Variants in DLGAP1 observed in about 807,000 individuals in gnomAD.
DLGAP1 encodes the protein DLG associated protein 1, also known as disks large-associated protein 1.
Under a neutral mutation model 90.8 loss-of-function variants are expected in DLGAP1, and 11 were observed. The ratio of observed to expected loss-of-function variants is 0.12; its 90% CI spans 0.08 to 0.20. DLGAP1 has a LOEUF of 0.20. Ranked by LOEUF, DLGAP1 falls within the 10% of genes least tolerant of loss-of-function variation. The probability of loss-of-function intolerance (pLI) is 1.00; values close to 1 mark genes in which losing one functional copy is unlikely to be tolerated. For synonymous variants in DLGAP1, 558 were observed against 540.7 expected, an observed-to-expected ratio of 1.03 and a Z score of -0.44; for missense variants, 1,050 against 1,333.8, an observed-to-expected ratio of 0.79 and a Z score of 3.31.
chr18:3,993,167 C>A (rs1012879403), intron 3 of DLGAP1: 1 of 151,222 alleles, frequency 6.6e-6, no homozygotes, highest in Non-Finnish European at 1.5e-5. Context: ...CAAGCAGGAA[C>A]CCCCCTCTTG....
chr18:4,407,825 G>A (rs2082694466), intron 1 of DLGAP1, among the ~76,000 whole-genome samples: 1 of 152,118 alleles, frequency 6.6e-6, no homozygotes, highest in Non-Finnish European at 1.5e-5. Context: ...GGAGGTTGCA[G>A]TGAGCCGAGA....
intron 1 of DLGAP1, among the ~76,000 whole-genome samples, chr18:4,190,456 T>C (rs922757070): frequency 3.9e-5 from 6 of 152,126 alleles, no homozygotes; most frequent in African/African-American, 1.4e-4. Flanking sequence ...GGTAGATGCA[T>C]GACATTATAC....
intron 2 of DLGAP1, among the ~76,000 whole-genome samples, chr18:4,105,760 G>GTGGCTCACGCCTGTAATCCCAGCACTT (rs1266998857): frequency 2.0e-5 from 3 of 152,166 alleles, no homozygotes; most frequent in African/African-American, 7.2e-5. Flanking sequence ...GCCGGGCGCG[G>GTGGCTCACGCCTGTAATCCCAGCACTT]TGGCTCACGC....
intron 1 of DLGAP1, among the ~76,000 whole-genome samples, chr18:4,165,812 A>G (rs2076923815): frequency 2.0e-5 from 3 of 152,202 alleles, no homozygotes; most frequent in African/African-American, 7.2e-5. Context: ...ACCATTATAG[A>G]GAAAATATTT....
rs768759911 is a variant in DLGAP1 at position 4,355,657 on chromosome 18, ATTTCCTGGTTGTGATATTG to A, written c.-267+99330_-267+99348del. On this transcript the variant is annotated intron_variant, in intron 1 of 12. Coordinates refer to ENST00000315677, the MANE Select transcript of DLGAP1 (RefSeq NM_004746.4). The stretch of plus-strand genomic sequence containing the variant: ...ACTTCTGTAGATGGTGCCCACATCC[ATTTCCTGGTTGTGATATTG>A]TACTATAGTTACACAAGTTATCTTC... 3.1e-3 allele frequency among the ~76,000 whole-genome samples: 461 copies of A among 149,368 alleles called. 2 individuals carry two copies. Among genetic ancestry groups the A allele is most frequent in the Non-Finnish European group, 5.3e-3 (356 of 67,578 alleles).
intron 7 of DLGAP1, among the ~76,000 whole-genome samples, chr18:3,656,469 C>T (rs1009573684): frequency 7.2e-5 from 11 of 152,166 alleles, no homozygotes; most frequent in Admixed American, 2.0e-4. Context: ...TAGGGACCAG[C>T]ACTTCCTCTT....
At chr18:3,576,718 C>T (rs1368734997) in intron 8 of DLGAP1, among the ~76,000 whole-genome samples, 1 of 151,812 alleles carries the variant, frequency 6.6e-6, no homozygotes, top group Non-Finnish European at 1.5e-5. Flanking sequence ...GCATGCACCA[C>T]CATGCCCGGC....
In DLGAP1 at chr18:4,160,708, T is replaced by G. The variant is rs774580290; in HGVS notation, c.-266-9421A>C. On this transcript the variant is annotated intron_variant, in intron 1 of 12. Coordinates refer to ENST00000315677, the MANE Select transcript of DLGAP1 (RefSeq NM_004746.4). The stretch of plus-strand genomic sequence containing the variant: ...AGACCTAGGCAGTCTGGTCTCAATT[T>G]CACCTCTCAGTGTTTGCCTCAAGTC... 8.2e-4 allele frequency among the ~76,000 whole-genome samples: 125 copies of G among 152,214 alleles called. 2 individuals carry two copies. Among genetic ancestry groups the G allele is most frequent in the Admixed American group, 9.2e-4 (14 of 15,288 alleles).
intron 2 of DLGAP1, among the ~76,000 whole-genome samples, chr18:4,137,443 G>A (rs1026314021): frequency 1.1e-4 from 16 of 152,096 alleles, no homozygotes; most frequent in African/African-American, 3.4e-4. Context: ...CTGTTGATAA[G>A]TGGATTTGTT....
intron 12 of DLGAP1, chr18:3,502,233 T>TAA: frequency 1.5e-6 from 2 of 1,344,346 alleles, no homozygotes; most frequent in South Asian, 4.3e-5. Context: ...TGGTTTAACT[T>TAA]AAAGTTTAAT....
At chr18:4,448,186 T>C (rs1157346408) in intron 1 of DLGAP1, among the ~76,000 whole-genome samples, 1 of 152,182 alleles carries the variant, frequency 6.6e-6, no homozygotes, top group Non-Finnish European at 1.5e-5. Flanking sequence ...GATCTCATTC[T>C]CTGTTGAGCC....
intron 2 of DLGAP1, among the ~76,000 whole-genome samples, chr18:4,074,007 T>A (rs7240625): frequency 6.6e-6 from 1 of 152,128 alleles, no homozygotes; most frequent in Non-Finnish European, 1.5e-5. Flanking sequence ...AGCCTATATA[T>A]GAGCAGATAA....
chr18:4,019,127 G>A (rs1454487061), intron 2 of DLGAP1, among the ~76,000 whole-genome samples: 2 of 152,142 alleles, frequency 1.3e-5, no homozygotes, highest in Non-Finnish European at 2.9e-5. Flanking sequence ...AGTCTATTCT[G>A]CTCCATCTAA....
At chr18:4,363,656 T>C (rs2081683330) in intron 1 of DLGAP1, among the ~76,000 whole-genome samples, 1 of 152,044 alleles carries the variant, frequency 6.6e-6, no homozygotes, top group Non-Finnish European at 1.5e-5. Context: ...CATGAAAAAA[T>C]GCTCACCATC....
At chr18:4,115,477 C>CCTTTTTTT (rs2076046507) in intron 2 of DLGAP1, among the ~76,000 whole-genome samples, 1 of 145,364 alleles carries the variant, frequency 6.9e-6, no homozygotes. Flanking sequence ...TCATTTTCTT[C>CCTTTTTTT]CTTTCTTTCT....
chr18:3,695,397 G>T (rs1031455767), intron 7 of DLGAP1, among the ~76,000 whole-genome samples: 7 of 152,138 alleles, frequency 4.6e-5, no homozygotes, highest in African/African-American at 1.7e-4. Context: ...TAAGGAAGGG[G>T]TCCAGTTTCA....
At chr18:4,203,265 T>TTAAAAA (rs1234492937) in intron 1 of DLGAP1, among the ~76,000 whole-genome samples, 25 of 128,144 alleles carry the variant, frequency 2.0e-4, no homozygotes, top group Middle Eastern at 3.8e-3. Flanking sequence ...ACAGAGAGAT[T>TTAAAAA]AAAAAAAAAA....
intron 7 of DLGAP1, among the ~76,000 whole-genome samples, chr18:3,719,438 A>T (rs142648792): frequency 7.3e-5 from 11 of 151,540 alleles, no homozygotes; most frequent in Admixed American, 7.3e-4. Context: ...GGCACCTGTA[A>T]TCCCAGCTAC....
At chr18:3,556,495 T>G (rs574600103) in intron 9 of DLGAP1, among the ~76,000 whole-genome samples, 1 of 152,356 alleles carries the variant, frequency 6.6e-6, no homozygotes, top group East Asian at 1.9e-4. Context: ...GTCACATAGT[T>G]GGAATCATAC....
Sources: gnomAD v4.1 joint callset for allele counts (sites outside exome capture counted in the v4.1 genomes callset) on GRCh38, gnomAD v4.1.1 for gene constraint, MANE v1.5 for transcripts, NCBI Gene and HGNC (gene_info 2026-07-23, HGNC 2026-07-21) for gene names.